The following LRBA variants were observed in gnomAD, a reference collection of about 807,000 sequenced individuals.
LRBA encodes the protein LPS responsive beige-like anchor protein.
Under a neutral mutation model 330.0 loss-of-function variants are expected in LRBA, and 176 were observed. That is an observed-to-expected ratio of 0.53 (90% CI 0.47 to 0.60). LRBA has a LOEUF of 0.60. Among genes scored for constraint, LRBA ranks in the 20% least tolerant of loss-of-function variants. The pLI is 0.00. For synonymous variants in LRBA, 1,230 were observed against 1,193.0 expected (o/e 1.03, Z -0.64); for missense variants, 3,259 against 3,444.8 (o/e 0.95, Z 1.35).
intron 37 of LRBA, among the ~76,000 whole-genome samples, chr4:150,646,905 G>GA (rs1212626928): frequency 6.6e-6 from 1 of 151,878 alleles, no homozygotes; most frequent in Non-Finnish European, 1.5e-5. Flanking sequence ...TCCAAAATAT[G>GA]AAAAAAATAT....
intron 40 of LRBA, among the ~76,000 whole-genome samples, chr4:150,548,569 A>G (rs1393129484): frequency 2.6e-5 from 4 of 152,198 alleles, no homozygotes; most frequent in African/African-American, 9.6e-5. Context: ...TTACTAGTCT[A>G]TATTAAAATA....
rs539649675 is a variant in LRBA, at chr4:150,416,843, C to T, written c.7042-1253G>A. ...CTTATTGCATGGTATGAGTCATACT[C>T]TCATACCATAAATAAATAAACTCTT... is the stretch of plus-strand genomic sequence containing the variant. On this transcript the variant is annotated intron_variant, in intron 46 of 56. Coordinates refer to ENST00000651943, the MANE Select transcript of LRBA (RefSeq NM_001364905.1). 1.2e-4 allele frequency among the ~76,000 whole-genome samples: 18 copies of T among 152,132 alleles called. No homozygotes were observed. In the South Asian group the frequency reaches 3.7e-3, roughly 32 times the overall value.
At chr4:150,947,768 A>G (rs1415381565) in intron 2 of LRBA, among the ~76,000 whole-genome samples, 1 of 152,108 alleles carries the variant, frequency 6.6e-6, no homozygotes, top group East Asian at 1.9e-4. Context: ...GACATTTCCA[A>G]AAACAGAAAC....
At chr4:150,482,654 C>A (rs1227472246) in intron 42 of LRBA, among the ~76,000 whole-genome samples, 1 of 152,072 alleles carries the variant, frequency 6.6e-6, no homozygotes, top group Non-Finnish European at 1.5e-5. Context: ...TCCCCATCAA[C>A]AACATGTGAG....
chr4:150,628,899 A>G (rs1190745849), intron 37 of LRBA, among the ~76,000 whole-genome samples: 1 of 152,174 alleles, frequency 6.6e-6, no homozygotes, highest in East Asian at 1.9e-4. Context: ...CATTCCTCTC[A>G]AAATTTTTGC....
At chr4:150,694,702 C>A (rs1041916846) in intron 36 of LRBA, among the ~76,000 whole-genome samples, 1 of 151,808 alleles carries the variant, frequency 6.6e-6, no homozygotes, top group African/African-American at 2.4e-5. Context: ...CCCTTCCCCC[C>A]ATAACAGCAT....
At chr4:150,625,736 T>C (rs1776788039) in intron 37 of LRBA, among the ~76,000 whole-genome samples, 1 of 150,890 alleles carries the variant, frequency 6.6e-6, no homozygotes. Context: ...TTGAGACAGT[T>C]TCGCTCTTTG....
intron 40 of LRBA, among the ~76,000 whole-genome samples, chr4:150,499,943 G>A (rs1233278626): frequency 2.0e-5 from 3 of 151,822 alleles, no homozygotes; most frequent in South Asian, 2.1e-4. Flanking sequence ...GGAAAGTGAG[G>A]TGGGAAGCAA....
chr4:150,514,598 G>A (rs1762150492), intron 40 of LRBA, among the ~76,000 whole-genome samples: 1 of 152,052 alleles, frequency 6.6e-6, no homozygotes, highest in African/African-American at 2.4e-5. Flanking sequence ...TGTTTCATTG[G>A]ACCGGAACAC....
At chr4:150,660,386 G>A (rs1197454387) in intron 37 of LRBA, among the ~76,000 whole-genome samples, 28 of 128,384 alleles carry the variant, frequency 2.2e-4, no homozygotes, top group Non-Finnish European at 3.8e-4. Context: ...CAGTGGCCCC[G>A]TCCGGGAGGT....
chr4:150,699,298 G>C (rs181421315), intron 36 of LRBA, among the ~76,000 whole-genome samples: 1 of 152,250 alleles, frequency 6.6e-6, no homozygotes, highest in East Asian at 1.9e-4. Flanking sequence ...TGAATCCTAG[G>C]AGATGCAATA....
intron 30 of LRBA, among the ~76,000 whole-genome samples, chr4:150,825,611 C>G (rs535219885): frequency 4.6e-5 from 7 of 152,242 alleles, no homozygotes; most frequent in African/African-American, 1.7e-4. Flanking sequence ...TCAAATGATC[C>G]ACCCGCCTCA....
At chr4:150,746,029 T>C (rs556901478) in intron 35 of LRBA, among the ~76,000 whole-genome samples, 1 of 152,310 alleles carries the variant, frequency 6.6e-6, no homozygotes, top group East Asian at 1.9e-4. Flanking sequence ...CCCTTCCCTG[T>C]TCACTTTTCA....
At chr4:150,302,543 C>A in intron 53 of LRBA, 82 bp downstream of exon 53, 3 of 863,678 alleles carry the variant, frequency 3.5e-6, no homozygotes, top group South Asian at 3.0e-5. Context: ...TCACTTTTAC[C>A]ATAACAAAAA....
At chr4:150,878,030 C>T (rs1480413080) in intron 17 of LRBA, among the ~76,000 whole-genome samples, 5 of 152,046 alleles carry the variant, frequency 3.3e-5, no homozygotes, top group Non-Finnish European at 7.4e-5. Flanking sequence ...ACAGCCAAAG[C>T]AGTGTTAAGA....
chr4:150,481,435 A>G (rs573256367), intron 42 of LRBA, among the ~76,000 whole-genome samples: 1 of 152,248 alleles, frequency 6.6e-6, no homozygotes, highest in East Asian at 1.9e-4. Flanking sequence ...ATTATATTAA[A>G]TGTATAATAT....
At chr4:150,534,764 A>T (rs1170766754) in intron 40 of LRBA, among the ~76,000 whole-genome samples, 4 of 152,226 alleles carry the variant, frequency 2.6e-5, no homozygotes, top group Non-Finnish European at 5.9e-5. Context: ...AAGCCTATGT[A>T]TGCAACAATT....
At chr4:150,647,591 G>T (rs1455685506) in intron 37 of LRBA, among the ~76,000 whole-genome samples, 1 of 151,678 alleles carries the variant, frequency 6.6e-6, no homozygotes, top group African/African-American at 2.4e-5. Context: ...TAGAGACAGG[G>T]TCTCCCTATG....
intron 30 of LRBA, among the ~76,000 whole-genome samples, chr4:150,819,433 T>C (rs1438467771): frequency 2.0e-5 from 3 of 150,938 alleles, no homozygotes; most frequent in Non-Finnish European, 4.4e-5. Context: ...AAAAAAAAAC[T>C]GTATTCATCT....
Sources: allele counts gnomAD v4.1 joint callset (sites outside exome capture counted in the v4.1 genomes callset), GRCh38; gene constraint gnomAD v4.1.1; transcripts MANE v1.5; gene names NCBI Gene and HGNC (gene_info 2026-07-23, HGNC 2026-07-21).